ZEB1: variants seen among roughly 807,000 people sequenced by gnomAD.
ZEB1 encodes zinc finger E-box-binding homeobox 1.
A neutral mutation model predicts 84.9 loss-of-function variants in ZEB1; 21 were observed. The observed-to-expected ratio is 0.25, with a 90% confidence interval of 0.18 to 0.36. The LOEUF (loss-of-function observed/expected upper bound fraction) is 0.36. Ranked by LOEUF, ZEB1 falls within the 10% of genes least tolerant of loss-of-function variation. The probability of loss-of-function intolerance (pLI) is 1.00; values close to 1 mark genes in which losing one functional copy is unlikely to be tolerated. For synonymous variants in ZEB1, 420 were observed against 471.1 expected, an observed-to-expected ratio of 0.89 and a Z score of 1.41; for missense variants, 1,104 against 1,330.2, an observed-to-expected ratio of 0.83 and a Z score of 2.65.
chr10:31,504,179 T>C (rs140997106), intron 4 of ZEB1, among the ~76,000 whole-genome samples: 1 of 152,242 alleles, frequency 6.6e-6, no homozygotes, highest in African/African-American at 2.4e-5. Context: ...CACATGTTAA[T>C]ATTCAGTTTT....
chr10:31,474,012 C>T (rs574029865), intron 2 of ZEB1, among the ~76,000 whole-genome samples: 1 of 152,078 alleles, frequency 6.6e-6, no homozygotes, highest in African/African-American at 2.4e-5. Context: ...GCCATATGTA[C>T]AAAGCTGAAA....
chr10:31,410,483 T>C (rs1156879668), intron 1 of ZEB1, among the ~76,000 whole-genome samples: 5 of 152,232 alleles, frequency 3.3e-5, no homozygotes, highest in African/African-American at 9.6e-5. Flanking sequence ...GTTGTGTATC[T>C]ACCAGGTTTT....
At chr10:31,375,301 T>A (rs1248696547) in intron 1 of ZEB1, among the ~76,000 whole-genome samples, 6 of 151,814 alleles carry the variant, frequency 4.0e-5, no homozygotes, top group Non-Finnish European at 8.9e-5. Context: ...AGGAGAAAGA[T>A]GTCCTTCCCA....
intron 6 of ZEB1, among the ~76,000 whole-genome samples, chr10:31,515,168 G>A (rs963175909): frequency 7.2e-5 from 11 of 152,010 alleles, no homozygotes; most frequent in Non-Finnish European, 1.5e-5. Flanking sequence ...GAGAGGGAGT[G>A]AAAGGATTAC....
At chr10:31,331,712 T>C (rs2036833708) in intron 1 of ZEB1, among the ~76,000 whole-genome samples, 1 of 152,130 alleles carries the variant, frequency 6.6e-6, no homozygotes. Context: ...AATATCCTAG[T>C]GGAAAATAAT....
intron 2 of ZEB1, among the ~76,000 whole-genome samples, chr10:31,466,775 G>T (rs1286307823): frequency 1.3e-5 from 2 of 152,042 alleles, no homozygotes; most frequent in African/African-American, 4.8e-5. Context: ...ACAAATAAAT[G>T]AAATAAAGAG....
intron 1 of ZEB1, among the ~76,000 whole-genome samples, chr10:31,357,036 T>A (rs2042234772): frequency 6.6e-6 from 1 of 152,198 alleles, no homozygotes; most frequent in Admixed American, 6.5e-5. Context: ...GCTGTTGTTT[T>A]ATAGCCTTGA....
intron 1 of ZEB1, among the ~76,000 whole-genome samples, chr10:31,402,709 T>G (rs988154895): frequency 3.3e-5 from 5 of 152,134 alleles, no homozygotes; most frequent in African/African-American, 7.2e-5. Context: ...TTATGAAGAC[T>G]TTGGTTTATA....
Position 31,520,829 on chromosome 10 carries a change from C to T in ZEB1, c.1497C>T (p.Val499=), listed in dbSNP as rs758185926. Residue 499 remains valine, a synonymous_variant, in exon 7 of 9, where the codon GTC becomes GTT. Transcript: ENST00000424869. This position sits in a 1 kb window ranked among gnomAD's most constrained non-coding sequence, Gnocchi z 5.1. Reference sequence around the variant, plus strand: ...AAAATTTAAAAAAAGAAAATCCAGTCGCTACAAACAGTTGTAAAAGTGAAA... The same window carrying T: ...AAAATTTAAAAAAAGAAAATCCAGTTGCTACAAACAGTTGTAAAAGTGAAA... ...VPQNLKKENP[V]ATNSCKSEKL... is the part of the protein sequence containing the mutation. 10 of 1,613,872 alleles carry T rather than the reference C, an allele frequency of 6.2e-6. No individual in the cohort carries two copies. Among genetic ancestry groups the T allele is most frequent in the South Asian group, 4.4e-5 (4 of 91,074 alleles).
chr10:31,498,512 C>T (rs2067613474), intron 3 of ZEB1, among the ~76,000 whole-genome samples: 1 of 151,992 alleles, frequency 6.6e-6, no homozygotes, highest in Non-Finnish European at 1.5e-5. Context: ...ATACCAGGTA[C>T]CCTACTAATA....
rs569934186 is a variant in ZEB1, at chr10:31,429,337, A to G, written c.59-31700A>G. On this transcript the variant is annotated intron_variant, in intron 1 of 8. Coordinates refer to ENST00000424869, the MANE Select transcript of ZEB1 (RefSeq NM_001174096.2). ...CTTATGAAGCTTAGTTTGGCTAACT[A>G]TGAAATTCTGGGTTAGAATTTATTT... 5.3e-5 allele frequency among the ~76,000 whole-genome samples: 8 copies of G among 152,312 alleles called. No homozygotes were observed. The East Asian group carries it at 9.6e-4, about 18-fold the overall frequency.
chr10:31,522,979 C>T (rs2072714346), intron 7 of ZEB1, among the ~76,000 whole-genome samples: 1 of 152,208 alleles, frequency 6.6e-6, no homozygotes, highest in South Asian at 2.1e-4. Flanking sequence ...CTTAGCATTT[C>T]ATAGACTCAC....
chr10:31,352,387 T>C (rs2041466598), intron 1 of ZEB1, among the ~76,000 whole-genome samples: 1 of 152,244 alleles, frequency 6.6e-6, no homozygotes, highest in Non-Finnish European at 1.5e-5. Context: ...GCCCTTCTAG[T>C]GCCAACACTG....
intron 1 of ZEB1, among the ~76,000 whole-genome samples, chr10:31,412,398 A>G (rs1189671683): frequency 6.6e-6 from 1 of 152,082 alleles, no homozygotes; most frequent in South Asian, 2.1e-4. Context: ...TCCTGATGCT[A>G]TCCCTCCCCA....
intron 2 of ZEB1, among the ~76,000 whole-genome samples, chr10:31,489,216 G>A (rs2066156360): frequency 6.6e-6 from 1 of 151,218 alleles, no homozygotes; most frequent in Non-Finnish European, 1.5e-5. Flanking sequence ...ATTATGCAAT[G>A]TTTTTCTTGA....
At position 31,350,181 on chromosome 10, in the gene ZEB1, T is replaced by C. The variant is rs78955921; in HGVS notation, c.58+30889T>C. ...ACCATTTATTGAGGAGACTGTTTTT[T>C]CCCCATTGTGTGTTCTTGGCATCTT... is the stretch of plus-strand genomic sequence containing the variant. On this transcript the variant is annotated intron_variant, in intron 1 of 8. Coordinates refer to ENST00000424869, the MANE Select transcript of ZEB1 (RefSeq NM_001174096.2). Among the ~76,000 whole-genome samples, 389 of 152,272 alleles carry C rather than the reference T, an allele frequency of 2.6e-3. 17 individuals carry two copies. In the East Asian group the frequency reaches 0.068, roughly 27 times the overall value.
chr10:31,456,937 A>G lies in ZEB1; in HGVS notation c.59-4100A>G, dbSNP rs557494161. Among the ~76,000 whole-genome samples the G allele has an allele frequency of 1.2e-4, 18 of 152,246 alleles. No individual in the cohort carries two copies. In the East Asian group the frequency reaches 1.3e-3, roughly 11 times the overall value. ...TAAATATTAGCAAATAATACCAACA[A>G]CTACCACCATCAAGAAGTCAACATG... On this transcript the variant is annotated intron_variant, in intron 1 of 8. Transcript: ENST00000424869.
At chr10:31,417,877 A>G (rs183592632) in intron 1 of ZEB1, among the ~76,000 whole-genome samples, 10 of 152,156 alleles carry the variant, frequency 6.6e-5, no homozygotes, top group African/African-American at 2.2e-4. Flanking sequence ...AAGACAGTCT[A>G]TTCTCTCAGC....
At chr10:31,373,646 A>G (rs1286842650) in intron 1 of ZEB1, among the ~76,000 whole-genome samples, 1 of 151,880 alleles carries the variant, frequency 6.6e-6, no homozygotes, top group Non-Finnish European at 1.5e-5. Flanking sequence ...AAAAAGTATA[A>G]TATCATATGA....
Sources: gnomAD v4.1 joint callset for allele counts (sites outside exome capture counted in the v4.1 genomes callset) on GRCh38, gnomAD v4.1.1 for gene constraint, Gnocchi (gnomAD v3.1) non-coding constraint, MANE v1.5 for transcripts, NCBI Gene and HGNC (gene_info 2026-07-23, HGNC 2026-07-21) for gene names.